Variants in CNTNAP2 observed in about 807,000 individuals in gnomAD.
The protein encoded by CNTNAP2 is contactin-associated protein-like 2.
A neutral mutation model predicts 155.2 loss-of-function variants in CNTNAP2; 98 were observed. The observed-to-expected ratio is 0.63, with a 90% confidence interval of 0.54 to 0.75. CNTNAP2 has a LOEUF of 0.75. Among genes scored for constraint, CNTNAP2 ranks in the 30% least tolerant of loss-of-function variants. The pLI, the probability that CNTNAP2 is intolerant of heterozygous loss-of-function variation, is 0.00. For missense variants in CNTNAP2, 1,727 were observed against 1,688.1 expected, an observed-to-expected ratio of 1.02 and a Z score of -0.40; for synonymous variants, 651 against 631.2, an observed-to-expected ratio of 1.03 and a Z score of -0.47.
chr7:146,327,455 CT>C (rs1801116754), intron 1 of CNTNAP2, among the ~76,000 whole-genome samples: 2 of 152,316 alleles, frequency 1.3e-5, no homozygotes, highest in Non-Finnish European at 2.9e-5. Flanking sequence ...AAATTCTCTT[CT>C]GTTCATTCTG....
At chr7:146,833,284 C>T (rs1020022595) in intron 2 of CNTNAP2, among the ~76,000 whole-genome samples, 3 of 152,096 alleles carry the variant, frequency 2.0e-5, no homozygotes, top group African/African-American at 7.2e-5. Flanking sequence ...ACTTTGTTGA[C>T]TTCGTGGCAT....
intron 23 of CNTNAP2, 53 bp from the exon 24 acceptor site, chr7:148,415,363 TG>T: frequency 6.3e-7 from 1 of 1,592,048 alleles, no homozygotes. Flanking sequence ...GGGACAGTGT[TG>T]GAGGGACTCC....
chr7:146,344,934 A>G (rs1224749407), intron 1 of CNTNAP2, among the ~76,000 whole-genome samples: 1 of 152,236 alleles, frequency 6.6e-6, no homozygotes, highest in Admixed American at 6.5e-5. Context: ...TCTGGCATTA[A>G]CTAAGTTGAG....
intron 1 of CNTNAP2, among the ~76,000 whole-genome samples, chr7:146,247,759 GGT>G (rs1250984267): frequency 6.6e-6 from 1 of 152,182 alleles, no homozygotes; most frequent in Admixed American, 6.5e-5. Context: ...TTTTAGGTCA[GGT>G]GAGAGGTGAA....
chr7:146,339,861 A>T (rs1466879690), intron 1 of CNTNAP2, among the ~76,000 whole-genome samples: 2 of 152,110 alleles, frequency 1.3e-5, no homozygotes, highest in Non-Finnish European at 2.9e-5. Flanking sequence ...GAGTAATATA[A>T]TGTTATTAAA....
At chr7:146,398,184 C>CTTTTT (rs34144986) in intron 1 of CNTNAP2, among the ~76,000 whole-genome samples, 6 of 107,026 alleles carry the variant, frequency 5.6e-5, no homozygotes, top group Admixed American at 2.0e-4. Context: ...CGGCCCCAAA[C>CTTTTT]TTTTTTTTTT....
chr7:147,467,064 T>G (rs573447262), intron 10 of CNTNAP2, among the ~76,000 whole-genome samples: 1 of 152,368 alleles, frequency 6.6e-6, no homozygotes, highest in African/African-American at 2.4e-5. Context: ...GCATGTTTGA[T>G]ACTTTTTAAG....
chr7:147,542,360 G>A (rs1322335380), intron 11 of CNTNAP2, among the ~76,000 whole-genome samples: 1 of 151,842 alleles, frequency 6.6e-6, no homozygotes, highest in Non-Finnish European at 1.5e-5. Flanking sequence ...GTACTGGACA[G>A]CAGAAGTGAC....
intron 18 of CNTNAP2, among the ~76,000 whole-genome samples, chr7:148,185,417 C>T (rs1795101921): frequency 6.6e-6 from 1 of 152,304 alleles, no homozygotes; most frequent in Middle Eastern, 3.4e-3. Flanking sequence ...ATGTTGGTTC[C>T]TTGAGTATCT....
At chr7:148,231,395 G>A (rs181117954) in intron 20 of CNTNAP2, among the ~76,000 whole-genome samples, 12 of 152,314 alleles carry the variant, frequency 7.9e-5, no homozygotes, top group Admixed American at 7.8e-4. Flanking sequence ...AAGCAATTCA[G>A]AAGTAATTTG....
At chr7:147,933,624 G>A (rs1007930145) in intron 14 of CNTNAP2, among the ~76,000 whole-genome samples, 2 of 152,148 alleles carry the variant, frequency 1.3e-5, no homozygotes, top group Non-Finnish European at 2.9e-5. Flanking sequence ...CAGCACTTTG[G>A]GAGGCCAAGG....
At chr7:146,527,794 G>A (rs894090020) in intron 1 of CNTNAP2, among the ~76,000 whole-genome samples, 6 of 150,280 alleles carry the variant, frequency 4.0e-5, no homozygotes, top group African/African-American at 7.5e-5. Flanking sequence ...TGAACAAAAT[G>A]TTCAATTATT....
chr7:147,630,531 T>C (rs1795069016), intron 12 of CNTNAP2, among the ~76,000 whole-genome samples: 1 of 151,976 alleles, frequency 6.6e-6, no homozygotes, highest in Non-Finnish European at 1.5e-5. Context: ...AAAGGAAAAC[T>C]ACAGACCAAT....
intron 14 of CNTNAP2, among the ~76,000 whole-genome samples, chr7:147,969,984 C>T (rs576892806): frequency 6.9e-4 from 105 of 151,558 alleles, no homozygotes; most frequent in African/African-American, 2.3e-3. Flanking sequence ...GGCTGGAGTG[C>T]GGTGGTGTAA....
chr7:146,880,283 G>C (rs576495023), intron 3 of CNTNAP2, among the ~76,000 whole-genome samples: 3 of 152,116 alleles, frequency 2.0e-5, no homozygotes, highest in Non-Finnish European at 4.4e-5. Flanking sequence ...TGGGATTAGA[G>C]CCCTTATAGA....
Position 147,822,514 on chromosome 7 carries a change from A to G in CNTNAP2, c.2099-81051A>G, listed in dbSNP as rs146790691. Among the ~76,000 whole-genome samples the G allele has an allele frequency of 3.3e-5, 5 of 152,252 alleles. No individual in the cohort carries two copies. In the East Asian group the frequency reaches 9.6e-4, roughly 29 times the overall value. On this transcript the variant is annotated intron_variant, in intron 13 of 23. Transcript: ENST00000361727. ...CACTGAAATTTTTAATCTGACTTCT[A>G]GATATATTTTTGGAGTGTTGTCTAT...
intron 13 of CNTNAP2, among the ~76,000 whole-genome samples, chr7:147,734,393 T>C (rs546667109): frequency 7.9e-5 from 12 of 152,320 alleles, no homozygotes; most frequent in African/African-American, 2.9e-4. Context: ...ATAAGCTTTT[T>C]GATGTGCTGC....
chr7:146,904,007 A>G (rs1796063026), intron 3 of CNTNAP2, among the ~76,000 whole-genome samples: 1 of 152,212 alleles, frequency 6.6e-6, no homozygotes, highest in Non-Finnish European at 1.5e-5. Context: ...AATTTAAAAT[A>G]AAGTTAAATT....
intron 1 of CNTNAP2, among the ~76,000 whole-genome samples, chr7:146,483,285 ATAT>A (rs1563101645): frequency 0.022 from 1,034 of 47,178 alleles, 59 homozygotes; most frequent in Non-Finnish European, 0.027. Context: ...AAAAAAAAAT[ATAT>A]ATATATATAT....
Sources: allele counts gnomAD v4.1 joint callset (sites outside exome capture counted in the v4.1 genomes callset), GRCh38; gene constraint gnomAD v4.1.1; transcripts MANE v1.5; gene names NCBI Gene and HGNC (gene_info 2026-07-23, HGNC 2026-07-21).